CLSTN2: variants seen among roughly 807,000 people sequenced by gnomAD.
The protein encoded by CLSTN2 is calsyntenin-2.
A neutral mutation model predicts 101.2 loss-of-function variants in CLSTN2; 48 were observed. The ratio of observed to expected loss-of-function variants is 0.47; its 90% CI spans 0.38 to 0.60. The LOEUF (loss-of-function observed/expected upper bound fraction) is 0.60, where lower values mean the gene tolerates loss of function less well. Among genes scored for constraint, CLSTN2 ranks in the 20% least tolerant of loss-of-function variants. The probability of loss-of-function intolerance (pLI) is 0.00; values close to 1 mark genes in which losing one functional copy is unlikely to be tolerated. For missense variants in CLSTN2, 1,160 were observed against 1,238.2 expected (o/e 0.94, Z 0.95); for synonymous variants, 481 against 463.6 (o/e 1.04, Z -0.48).
chr3:140,338,449 T>G (rs550832200), intron 2 of CLSTN2, among the ~76,000 whole-genome samples: 1 of 152,172 alleles, frequency 6.6e-6, no homozygotes, highest in African/African-American at 2.4e-5. Context: ...CTATCAATGC[T>G]CTACAGCCAG....
At chr3:139,994,615 C>G (rs780649840) in intron 1 of CLSTN2, among the ~76,000 whole-genome samples, 1 of 152,174 alleles carries the variant, frequency 6.6e-6, no homozygotes. Flanking sequence ...ATACACAGTT[C>G]CCTTGATAGG....
At chr3:140,436,469 T>A (rs1285157467) in intron 5 of CLSTN2, among the ~76,000 whole-genome samples, 1 of 152,260 alleles carries the variant, frequency 6.6e-6, no homozygotes, top group Non-Finnish European at 1.5e-5. Flanking sequence ...TAGATCGAAC[T>A]GTCTAGAGAG....
intron 2 of CLSTN2, among the ~76,000 whole-genome samples, chr3:140,232,600 A>G (rs1245681775): frequency 6.6e-6 from 1 of 152,104 alleles, no homozygotes; most frequent in East Asian, 1.9e-4. Flanking sequence ...TTCTAGTCCC[A>G]TGTGCCTACC....
chr3:140,335,120 T>A (rs2087427432), intron 2 of CLSTN2, among the ~76,000 whole-genome samples: 1 of 152,184 alleles, frequency 6.6e-6, no homozygotes, highest in African/African-American at 2.4e-5. Flanking sequence ...AGCTGGAGAA[T>A]CTTCACCCTC....
intron 2 of CLSTN2, among the ~76,000 whole-genome samples, chr3:140,315,407 C>T (rs1435708500): frequency 1.3e-5 from 2 of 152,206 alleles, no homozygotes; most frequent in Non-Finnish European, 2.9e-5. Flanking sequence ...CCAGAGCAAT[C>T]AACCAGGCTT....
chr3:140,066,661 G>A (rs914715815), intron 1 of CLSTN2, among the ~76,000 whole-genome samples: 8 of 152,304 alleles, frequency 5.3e-5, no homozygotes, highest in Non-Finnish European at 1.0e-4. Context: ...CTTGGGTGGG[G>A]GAACTCTACT....
intron 2 of CLSTN2, among the ~76,000 whole-genome samples, chr3:140,215,062 C>T (rs908562344): frequency 6.6e-6 from 1 of 152,298 alleles, no homozygotes; most frequent in South Asian, 2.1e-4. Flanking sequence ...ACTTGATCCC[C>T]TGGTAGAAAT....
intron 2 of CLSTN2, among the ~76,000 whole-genome samples, chr3:140,203,102 C>T (rs1016930244): frequency 6.6e-6 from 1 of 152,124 alleles, no homozygotes; most frequent in African/African-American, 2.4e-5. Flanking sequence ...TGGAATGTGT[C>T]GTGGGCAAGA....
intron 2 of CLSTN2, among the ~76,000 whole-genome samples, chr3:140,344,676 C>T (rs2107938382): frequency 6.6e-6 from 1 of 152,302 alleles, no homozygotes; most frequent in South Asian, 2.1e-4. Flanking sequence ...TCCCTGATGA[C>T]ACACTTAGGT....
chr3:140,119,902 C>T (rs2009310476), intron 1 of CLSTN2, among the ~76,000 whole-genome samples: 2 of 151,894 alleles, frequency 1.3e-5, no homozygotes, highest in Admixed American at 6.5e-5. Flanking sequence ...CCAGTGAAGA[C>T]TCCATGAGCC....
intron 2 of CLSTN2, among the ~76,000 whole-genome samples, chr3:140,357,176 G>T (rs551255441): frequency 1.3e-5 from 2 of 152,224 alleles, no homozygotes; most frequent in Admixed American, 1.3e-4. Context: ...CCTAGTGAAG[G>T]GTCGGGAATA....
intron 1 of CLSTN2, among the ~76,000 whole-genome samples, chr3:140,149,671 A>T (rs867743265): frequency 6.6e-6 from 1 of 152,160 alleles, no homozygotes; most frequent in Non-Finnish European, 1.5e-5. Context: ...GTTGGCCAGG[A>T]TGGTCTTGAT....
intron 5 of CLSTN2, among the ~76,000 whole-genome samples, chr3:140,425,477 G>A (rs2088557194): frequency 6.6e-6 from 1 of 152,150 alleles, no homozygotes; most frequent in East Asian, 1.9e-4. Flanking sequence ...TTCAGACCTT[G>A]GCCAAAGTAT....
intron 1 of CLSTN2, among the ~76,000 whole-genome samples, chr3:140,148,687 G>A (rs1227136507): frequency 6.6e-6 from 1 of 152,182 alleles, no homozygotes; most frequent in Non-Finnish European, 1.5e-5. Context: ...AAACGGGAAT[G>A]GCTCCTCTGG....
intron 1 of CLSTN2, among the ~76,000 whole-genome samples, chr3:140,077,209 A>G (rs1400574811): frequency 6.6e-6 from 1 of 152,170 alleles, no homozygotes; most frequent in Non-Finnish European, 1.5e-5. Context: ...TTTCTTAGAC[A>G]TCCATATGTA....
At chr3:140,252,664 C>T (rs1208756355) in intron 2 of CLSTN2, among the ~76,000 whole-genome samples, 1 of 152,148 alleles carries the variant, frequency 6.6e-6, no homozygotes, top group African/African-American at 2.4e-5. Context: ...GTCATTTGGA[C>T]ACATGTGAAA....
chr3:140,276,013 G>A (rs184076159), intron 2 of CLSTN2, among the ~76,000 whole-genome samples: 1 of 152,178 alleles, frequency 6.6e-6, no homozygotes, highest in African/African-American at 2.4e-5. Flanking sequence ...CTAGTGACCA[G>A]CAAAGAGGGA....
At chr3:140,413,792 G>A (rs2088394156) in intron 4 of CLSTN2, among the ~76,000 whole-genome samples, 1 of 151,914 alleles carries the variant, frequency 6.6e-6, no homozygotes, top group South Asian at 2.1e-4. Flanking sequence ...ACATAATGAA[G>A]GACAAAGATC....
chr3:140,496,180 T>C (rs1576598228), intron 8 of CLSTN2, among the ~76,000 whole-genome samples: 1 of 152,178 alleles, frequency 6.6e-6, no homozygotes, highest in South Asian at 2.1e-4. Context: ...GGTCTTTCAC[T>C]TCCCTTGTTA....
Sources: allele counts gnomAD v4.1 joint callset (sites outside exome capture counted in the v4.1 genomes callset), GRCh38; gene constraint gnomAD v4.1.1; transcripts MANE v1.5; gene names NCBI Gene and HGNC (gene_info 2026-07-23, HGNC 2026-07-21).